Variants in ENOX1 observed in about 807,000 individuals in gnomAD.
The protein encoded by ENOX1 is candidate growth-related and time keeping constitutive hydroquinone (NADH) oxidase.
In ENOX1, 42 loss-of-function variants were observed where a neutral mutation model predicts 82.5. The observed-to-expected ratio is 0.51, with a 90% confidence interval of 0.40 to 0.66. The LOEUF (loss-of-function observed/expected upper bound fraction) is 0.66, where lower values mean the gene tolerates loss of function less well. ENOX1 is among the 30% of genes least tolerant of loss of function. ENOX1 has a pLI of 0.00. For missense variants in ENOX1, 608 were observed against 811.6 expected (o/e 0.75, Z 3.05); for synonymous variants, 271 against 282.2 (o/e 0.96, Z 0.40).
chr13:43,711,096 A>T (rs1278177541), intron 1 of ENOX1, among the ~76,000 whole-genome samples: 1 of 112,614 alleles, frequency 8.9e-6, no homozygotes, highest in Non-Finnish European at 1.7e-5. Flanking sequence ...CAGTCCCCAG[A>T]GTGTGATGTT....
chr13:43,337,074 C>T (rs1311145826), intron 9 of ENOX1, among the ~76,000 whole-genome samples: 4 of 152,114 alleles, frequency 2.6e-5, no homozygotes, highest in South Asian at 2.1e-4. Flanking sequence ...AAGTATATGC[C>T]GTATGCTCCA....
intron 1 of ENOX1, among the ~76,000 whole-genome samples, chr13:43,682,452 T>G (rs1201075530): frequency 6.6e-6 from 1 of 152,152 alleles, no homozygotes. Flanking sequence ...TAAGTATTAT[T>G]TACATGGATC....
At chr13:43,226,009 T>A (rs951137026) in intron 15 of ENOX1, among the ~76,000 whole-genome samples, 7 of 152,188 alleles carry the variant, frequency 4.6e-5, no homozygotes, top group African/African-American at 1.7e-4. Flanking sequence ...TTTAAAAATA[T>A]CTTTAAGTGG....
intron 9 of ENOX1, among the ~76,000 whole-genome samples, chr13:43,338,098 A>G (rs147403509): frequency 7.9e-4 from 121 of 152,256 alleles, no homozygotes; most frequent in African/African-American, 2.8e-3. Flanking sequence ...CAAAATGGGG[A>G]TATCATGGAG....
intron 2 of ENOX1, among the ~76,000 whole-genome samples, chr13:43,517,953 T>C (rs2077618065): frequency 1.3e-5 from 2 of 152,150 alleles, no homozygotes; most frequent in Admixed American, 1.3e-4. Flanking sequence ...AATTCAGTTG[T>C]TCATAAGCCA....
At chr13:43,683,019 A>G (rs1328925726) in intron 1 of ENOX1, among the ~76,000 whole-genome samples, 1 of 152,188 alleles carries the variant, frequency 6.6e-6, no homozygotes, top group Non-Finnish European at 1.5e-5. Context: ...AAACAAACTT[A>G]GCTTCAGAGG....
intron 11 of ENOX1, 54 bp downstream of exon 11, chr13:43,322,330 G>C: frequency 2.2e-6 from 3 of 1,392,444 alleles, no homozygotes; most frequent in Non-Finnish European, 2.0e-6. Context: ...CCCCATCTGA[G>C]ATTTGGAAGA....
chr13:43,555,631 G>T (rs896490823), intron 2 of ENOX1, among the ~76,000 whole-genome samples: 12 of 152,274 alleles, frequency 7.9e-5, no homozygotes, highest in African/African-American at 2.9e-4. Flanking sequence ...CCCGACAGAG[G>T]ATGGAGAAAA....
chr13:43,412,887 T>G lies in ENOX1; in HGVS notation c.28A>C (p.Ile10Leu). Residue 10 changes from isoleucine to leucine, a missense_variant, in exon 4 of 17, where the codon ATC (isoleucine) becomes CTC (leucine). Transcript: ENST00000690772. MVDAGGVENITQLPQELPQM... is the reference protein window; with the variant it reads MVDAGGVENLTQLPQELPQM... ...GGAAGCTCCTGGGGAAGCTGGGTGA[T>G]GTTCTCAACTCCACCTGCATCTACC... is the stretch of plus-strand genomic sequence containing the variant. 1 of 1,614,112 alleles carries G rather than the reference T, an allele frequency of 6.2e-7. No homozygotes were observed. Among genetic ancestry groups the G allele is most frequent in the Non-Finnish European group, 8.5e-7 (1 of 1,180,020 alleles).
chr13:43,538,662 T>C lies in ENOX1; in HGVS notation c.-218-54510A>G, dbSNP rs551048213. On this transcript the variant is annotated intron_variant, in intron 2 of 16. Coordinates refer to ENST00000690772, the MANE Select transcript of ENOX1 (RefSeq NM_001347969.2). ...GATTTTGTACTTATTTGACATAAAG[T>C]TGTTAATATCCTCTTATTATATTTC... is the stretch of plus-strand genomic sequence containing the variant. Among the ~76,000 whole-genome samples the C allele has an allele frequency of 1.1e-4, 17 of 152,196 alleles. No homozygotes were observed. In the South Asian group the frequency reaches 1.2e-3, roughly 11 times the overall value.
At chr13:43,247,936 A>G (rs1483403926) in intron 14 of ENOX1, among the ~76,000 whole-genome samples, 1 of 109,948 alleles carries the variant, frequency 9.1e-6, no homozygotes, top group African/African-American at 3.5e-5. Flanking sequence ...CCCAGGCTGG[A>G]GTGCAGTGGC....
At chr13:43,482,281 G>A (rs2058536280) in intron 3 of ENOX1, among the ~76,000 whole-genome samples, 1 of 152,126 alleles carries the variant, frequency 6.6e-6, no homozygotes. Context: ...TGGTCTATAT[G>A]TAGAACAGAA....
At chr13:43,569,301 T>C (rs1229263672) in intron 2 of ENOX1, among the ~76,000 whole-genome samples, 1 of 152,118 alleles carries the variant, frequency 6.6e-6, no homozygotes, top group Non-Finnish European at 1.5e-5. Context: ...AAAGATCACC[T>C]AGGGCAGACA....
chr13:43,630,023 A>G (rs1229675528), intron 2 of ENOX1, among the ~76,000 whole-genome samples: 1 of 152,152 alleles, frequency 6.6e-6, no homozygotes, highest in Non-Finnish European at 1.5e-5. Context: ...CTTCTATTTT[A>G]TTCTAAATCA....
At chr13:43,253,028 T>C (rs1024062202) in intron 14 of ENOX1, among the ~76,000 whole-genome samples, 11 of 152,242 alleles carry the variant, frequency 7.2e-5, no homozygotes, top group Admixed American at 1.3e-4. Context: ...ATGTTACTTG[T>C]AGACTGACAT....
chr13:43,609,837 C>T (rs1437764940), intron 2 of ENOX1: 2 of 705,198 alleles, frequency 2.8e-6, no homozygotes, highest in Non-Finnish European at 3.5e-6. Context: ...TTTAAAAGGA[C>T]CATTACAAAA....
intron 14 of ENOX1, among the ~76,000 whole-genome samples, chr13:43,260,510 C>T (rs2043994603): frequency 6.6e-6 from 1 of 152,120 alleles, no homozygotes; most frequent in African/African-American, 2.4e-5. Flanking sequence ...TTGTTTTAAA[C>T]ATTGCTGGCT....
chr13:43,630,874 C>CACACAT (rs768788507), intron 2 of ENOX1, among the ~76,000 whole-genome samples: 5 of 144,554 alleles, frequency 3.5e-5, no homozygotes, highest in Admixed American at 7.0e-5. Flanking sequence ...CACACACACA[C>CACACAT]ATATATATAC....
intron 1 of ENOX1, among the ~76,000 whole-genome samples, chr13:43,682,867 T>G (rs971089595): frequency 2.0e-5 from 3 of 152,166 alleles, no homozygotes; most frequent in African/African-American, 7.2e-5. Context: ...AAAAAGGCAT[T>G]AGAAAAAACC....
Sources: allele counts gnomAD v4.1 joint callset (sites outside exome capture counted in the v4.1 genomes callset), GRCh38; gene constraint gnomAD v4.1.1; transcripts MANE v1.5; gene names NCBI Gene and HGNC (gene_info 2026-07-23, HGNC 2026-07-21).